ENDOD1: variants seen among roughly 807,000 people sequenced by gnomAD.
ENDOD1 encodes endonuclease domain containing 1, also known as endonuclease domain-containing 1 protein.
In ENDOD1, 9 loss-of-function variants were observed where a neutral mutation model predicts 6.5. The observed-to-expected ratio is 1.39, with a 90% CI of 0.84 to 2.43. The LOEUF (loss-of-function observed/expected upper bound fraction) is 2.43. ENDOD1 is among the 30% of genes most tolerant of loss of function. The pLI is 0.00. For synonymous variants in ENDOD1, 255 were observed against 255.2 expected (o/e 1.00, Z 0.01); for missense variants, 648 against 635.5 (o/e 1.02, Z -0.21).
intron 1 of ENDOD1, among the ~76,000 whole-genome samples, chr11:95,100,797 A>C (rs1555110767): frequency 1.5e-5 from 2 of 137,228 alleles, no homozygotes; most frequent in Non-Finnish European, 3.1e-5. Flanking sequence ...TGCCCAGCCT[A>C]CTTTTTTTTT....
chr11:95,129,234 C>T lies in ENDOD1; in HGVS notation c.1158C>T (p.Tyr386=), dbSNP rs1189930710. 6.2e-7 allele frequency: 1 copy of T among 1,614,190 alleles called. No homozygotes were observed. The highest frequency in any genetic ancestry group is 1.6e-4 in the Middle Eastern group (1 of 6,062). The stretch of plus-strand genomic sequence containing the variant: ...GCCTGGGCTCAGCCACCATCTCATA[C>T]TTCATGGCCATTGGGGAAGAGTTGG... ...LYRLGSATIS[Y]FMAIGEELVS... is the part of the protein sequence containing the mutation. The change falls in exon 2 of 2, where the codon TAC becomes TAT. Residue 386 remains tyrosine, a synonymous_variant. Coordinates refer to ENST00000278505, the MANE Select transcript of ENDOD1 (RefSeq NM_015036.3).
intron 1 of ENDOD1, among the ~76,000 whole-genome samples, chr11:95,103,500 G>A (rs921570293): frequency 1.3e-5 from 2 of 152,144 alleles, no homozygotes; most frequent in South Asian, 2.1e-4. Context: ...CCAAGATGTC[G>A]TCCTGGAACA....
At chr11:95,092,931 C>T (rs1319358293) in intron 1 of ENDOD1, among the ~76,000 whole-genome samples, 36 of 152,148 alleles carry the variant, frequency 2.4e-4, no homozygotes, top group Non-Finnish European at 8.8e-5. Flanking sequence ...CAAGAGGACC[C>T]GCACACAGGG....
chr11:95,108,740 T>G (rs558762500), intron 1 of ENDOD1, among the ~76,000 whole-genome samples: 134 of 152,102 alleles, frequency 8.8e-4, no homozygotes, highest in Admixed American at 2.8e-3. Context: ...GGCCCCACCA[T>G]CCTCCCCCTC....
At chr11:95,120,681 G>A (rs1369080481) in intron 1 of ENDOD1, among the ~76,000 whole-genome samples, 6 of 152,092 alleles carry the variant, frequency 3.9e-5, no homozygotes, top group East Asian at 1.9e-4. Context: ...CTGGTGTCTC[G>A]GTAGGTCACA....
chr11:95,114,201 C>G (rs1269522189), intron 1 of ENDOD1, among the ~76,000 whole-genome samples: 1 of 152,220 alleles, frequency 6.6e-6, no homozygotes, highest in Non-Finnish European at 1.5e-5. Flanking sequence ...ACTGCAGCCT[C>G]TACCTCCTGG....
chr11:95,129,562 A>G lies in ENDOD1; in HGVS notation c.1486A>G (p.Asn496Asp). The part of the protein sequence containing the change: ...KRIGYKVTFD[N>D]SGEL ...GATTGGCTACAAGGTTACTTTTGAC[A>G]ATTCTGGGGAGTTATAAACTCAAAA... is the stretch of plus-strand genomic sequence containing the variant. The change falls in exon 2 of 2, where the codon AAT becomes GAT. Residue 496 changes from asparagine (N) to aspartate (D), a missense_variant. Asn to Asp is a conservative substitution (Grantham distance 23, BLOSUM62 1). Coordinates refer to ENST00000278505, the MANE Select transcript of ENDOD1 (RefSeq NM_015036.3). The G allele has an allele frequency of 1.2e-6, 2 of 1,611,842 alleles. No individual in the cohort carries two copies. The highest frequency in any genetic ancestry group is 1.7e-6 in the Non-Finnish European group (2 of 1,178,744).
intron 1 of ENDOD1, among the ~76,000 whole-genome samples, chr11:95,107,137 A>G (rs1555111479): frequency 6.6e-6 from 1 of 151,912 alleles, no homozygotes; most frequent in African/African-American, 2.4e-5. Flanking sequence ...TCACCTGGGG[A>G]AATTTAAAAA....
chr11:95,122,391 C>CTT (rs539153720), intron 1 of ENDOD1, among the ~76,000 whole-genome samples: 4 of 134,838 alleles, frequency 3.0e-5, no homozygotes, highest in Non-Finnish European at 6.3e-5. Context: ...CCTGGCTTTT[C>CTT]TTTTTTTTTT....
intron 1 of ENDOD1, among the ~76,000 whole-genome samples, chr11:95,092,577 A>G (rs1169096730): frequency 6.6e-6 from 1 of 152,200 alleles, no homozygotes; most frequent in Non-Finnish European, 1.5e-5. Flanking sequence ...TGCTGTGCTG[A>G]GAGGTCAGAA....
At position 95,131,875 on chromosome 11, in the gene ENDOD1, C is replaced by T. The variant is rs927146601; in HGVS notation, c.*2296C>T. ...TCCAATTGTTTAGTGTCTATTTATTCTTGGGTGGCCAGTTTTGAAACCTAA... is the reference window on the plus strand; with the variant it reads ...TCCAATTGTTTAGTGTCTATTTATTTTTGGGTGGCCAGTTTTGAAACCTAA... On this transcript the variant is annotated 3_prime_UTR_variant, in exon 2 of 2. Transcript: ENST00000278505. The T allele has an allele frequency of 6.6e-6, 1 of 152,130 alleles. No homozygotes were observed. The highest frequency in any genetic ancestry group is 2.4e-5 in the African/African-American group (1 of 41,420). 9.4% of individuals were successfully genotyped at this position (152,130 alleles called of 1,614,324 possible).
intron 1 of ENDOD1, among the ~76,000 whole-genome samples, chr11:95,102,651 G>C (rs868910265): frequency 2.0e-5 from 3 of 151,646 alleles, no homozygotes; most frequent in Non-Finnish European, 2.9e-5. Flanking sequence ...CAGCCTGGCT[G>C]ACAGAGCAAG....
chr11:95,126,321 T>C (rs1234274022), intron 1 of ENDOD1, among the ~76,000 whole-genome samples: 1 of 152,078 alleles, frequency 6.6e-6, no homozygotes, highest in Admixed American at 6.5e-5. Flanking sequence ...ACTCCCTGGG[T>C]GGTTATTTTA....
At chr11:95,102,258 G>A (rs797035203) in intron 1 of ENDOD1, among the ~76,000 whole-genome samples, 3 of 152,006 alleles carry the variant, frequency 2.0e-5, no homozygotes, top group African/African-American at 7.2e-5. Flanking sequence ...TAAAGCCCAG[G>A]AGAAAACCCA....
chr11:95,123,196 A>G (rs1407869264), intron 1 of ENDOD1, among the ~76,000 whole-genome samples: 1 of 151,948 alleles, frequency 6.6e-6, no homozygotes, highest in Non-Finnish European at 1.5e-5. Flanking sequence ...CTCAAAAAAA[A>G]AAAAAAGTAA....
chr11:95,122,361 TAC>T (rs1728490817), intron 1 of ENDOD1, among the ~76,000 whole-genome samples: 4 of 151,478 alleles, frequency 2.6e-5, no homozygotes, highest in African/African-American at 9.7e-5. Flanking sequence ...TACCTGGGAC[TAC>T]AGGCACATGC....
chr11:95,108,534 C>CACACACACACACAAAAA (rs1176686943), intron 1 of ENDOD1, among the ~76,000 whole-genome samples: 91 of 141,850 alleles, frequency 6.4e-4, no homozygotes, highest in Admixed American at 2.3e-3. Flanking sequence ...CACAGACACC[C>CACACACACACACAAAAA]AAAAAAAGAA....
chr11:95,110,276 C>T (rs1859134395), intron 1 of ENDOD1, among the ~76,000 whole-genome samples: 1 of 152,230 alleles, frequency 6.6e-6, no homozygotes, highest in African/African-American at 2.4e-5. Context: ...AAGAGGTTCT[C>T]AGAAGACGCT....
intron 1 of ENDOD1, among the ~76,000 whole-genome samples, chr11:95,110,695 C>T (rs782526132): frequency 3.1e-4 from 47 of 152,012 alleles, no homozygotes; most frequent in Admixed American, 2.2e-3. Flanking sequence ...TCATTCTAGC[C>T]CTCTGCAGAG....
Sources: allele counts gnomAD v4.1 joint callset (sites outside exome capture counted in the v4.1 genomes callset), GRCh38; gene constraint gnomAD v4.1.1; transcripts MANE v1.5; gene names NCBI Gene and HGNC (gene_info 2026-07-23, HGNC 2026-07-21).